The following PLCB1 variants were observed in gnomAD, a reference collection of about 807,000 sequenced individuals.
PLCB1 encodes phospholipase C beta 1, also known as 1-phosphatidylinositol 4,5-bisphosphate phosphodiesterase beta-1.
A neutral mutation model predicts 161.8 loss-of-function variants in PLCB1; 46 were observed. That is an observed-to-expected ratio of 0.28 (90% confidence interval 0.22 to 0.36). The LOEUF (loss-of-function observed/expected upper bound fraction) is 0.36. Among genes scored for constraint, PLCB1 ranks in the 10% least tolerant of loss-of-function variants. The pLI is 1.00. For missense variants in PLCB1, 1,016 were observed against 1,472.5 expected (o/e 0.69, Z 5.07); for synonymous variants, 517 against 503.7 (o/e 1.03, Z -0.35).
chr20:8,160,763 A>G (rs1252479975), intron 2 of PLCB1, among the ~76,000 whole-genome samples: 1 of 152,202 alleles, frequency 6.6e-6, no homozygotes, highest in Non-Finnish European at 1.5e-5. Flanking sequence ...AATCAGCAAG[A>G]CAAGTCTCTT....
intron 31 of PLCB1, among the ~76,000 whole-genome samples, chr20:8,876,212 T>G (rs1987775270): frequency 6.6e-6 from 1 of 152,228 alleles, no homozygotes; most frequent in Non-Finnish European, 1.5e-5. Context: ...AACACTCTTC[T>G]TTATTAATAT....
At chr20:8,357,571 T>G (rs4347921) in intron 2 of PLCB1, among the ~76,000 whole-genome samples, 1 of 152,056 alleles carries the variant, frequency 6.6e-6, no homozygotes, top group Non-Finnish European at 1.5e-5. Context: ...ATCCCAGCAC[T>G]CTGGGGGGGC....
At chr20:8,698,388 A>G (rs537742738) in intron 11 of PLCB1, among the ~76,000 whole-genome samples, 1 of 152,096 alleles carries the variant, frequency 6.6e-6, no homozygotes, top group South Asian at 2.1e-4. Flanking sequence ...ACATTATTTT[A>G]TGACTTGCTT....
intron 2 of PLCB1, among the ~76,000 whole-genome samples, chr20:8,196,008 G>A (rs997314622): frequency 2.4e-4 from 36 of 152,060 alleles, no homozygotes; most frequent in African/African-American, 7.7e-4. Flanking sequence ...TGGCAGGAGC[G>A]AGAATGAGAG....
At chr20:8,196,889 A>G (rs1388912014) in intron 2 of PLCB1, among the ~76,000 whole-genome samples, 3 of 151,706 alleles carry the variant, frequency 2.0e-5, no homozygotes, top group Non-Finnish European at 2.9e-5. Context: ...TCATTGTTCA[A>G]TTCCCACCTG....
intron 2 of PLCB1, among the ~76,000 whole-genome samples, chr20:8,187,516 GT>G (rs1354732766): frequency 3.3e-5 from 5 of 152,132 alleles, no homozygotes; most frequent in African/African-American, 1.2e-4. Flanking sequence ...TTAAGATGGA[GT>G]TTGCCACTAT....
intron 2 of PLCB1, among the ~76,000 whole-genome samples, chr20:8,315,192 TTCG>T (rs1454038510): frequency 1.3e-5 from 2 of 152,156 alleles, no homozygotes; most frequent in Non-Finnish European, 2.9e-5. Flanking sequence ...AGCTGGCTCC[TTCG>T]TCATGGAGCT....
At chr20:8,475,904 C>G (rs930346458) in intron 3 of PLCB1, among the ~76,000 whole-genome samples, 2 of 152,146 alleles carry the variant, frequency 1.3e-5, no homozygotes, top group Non-Finnish European at 2.9e-5. Context: ...CTCTACAACT[C>G]TACAAAGACA....
At chr20:8,793,386 G>A (rs1043502278) in intron 31 of PLCB1, among the ~76,000 whole-genome samples, 1 of 152,150 alleles carries the variant, frequency 6.6e-6, no homozygotes, top group Non-Finnish European at 1.5e-5. Context: ...CTAATTTACA[G>A]ATGGTATCGG....
Position 8,708,692 on chromosome 20 carries a change from A to C in PLCB1, c.1190A>C (p.Glu397Ala), listed in dbSNP as rs780031971. The C allele has an allele frequency of 6.2e-7, 1 of 1,612,916 alleles. No individual in the cohort carries two copies. The highest frequency in any genetic ancestry group is 8.5e-7 in the Non-Finnish European group (1 of 1,179,018). Residue 397 changes from glutamate (E) to alanine (A), a missense_variant, in exon 12 of 32, where the codon GAG becomes GCG. Around this residue, in one of 10 missense-constraint regions of PLCB1, gnomAD observed 56 missense variants for 126.3 expected, o/e 0.44. Coordinates refer to ENST00000338037, the MANE Select transcript of PLCB1 (RefSeq NM_015192.4). ...SFKEVIEAIA[E>A]CAFKTSPFPI... ...TAGGAAGTGATAGAAGCAATTGCGGAGTGTGCATTTAAGACTTCACCTTTT... is the reference window on the plus strand; with the variant it reads ...TAGGAAGTGATAGAAGCAATTGCGGCGTGTGCATTTAAGACTTCACCTTTT...
chr20:8,484,979 T>C (rs1043750953), intron 3 of PLCB1, among the ~76,000 whole-genome samples: 4 of 152,214 alleles, frequency 2.6e-5, no homozygotes, highest in African/African-American at 9.7e-5. Context: ...TGAAGCTTTC[T>C]AGAACTCAAA....
chr20:8,378,929 G>C (rs1306421648), intron 3 of PLCB1, among the ~76,000 whole-genome samples: 1 of 151,986 alleles, frequency 6.6e-6, no homozygotes, highest in Non-Finnish European at 1.5e-5. Context: ...GTAACCCCTT[G>C]TCTGTTCAAG....
intron 2 of PLCB1, among the ~76,000 whole-genome samples, chr20:8,221,731 A>T (rs1239617536): frequency 6.6e-6 from 1 of 152,206 alleles, no homozygotes; most frequent in Non-Finnish European, 1.5e-5. Flanking sequence ...CAAAATATGT[A>T]TTATATAAGA....
chr20:8,213,599 T>A (rs1006638675), intron 2 of PLCB1, among the ~76,000 whole-genome samples: 2 of 152,084 alleles, frequency 1.3e-5, no homozygotes, highest in Admixed American at 1.3e-4. Flanking sequence ...AAGCTTGCTC[T>A]GTTGTGCATT....
intron 2 of PLCB1, among the ~76,000 whole-genome samples, chr20:8,168,816 A>T (rs1424448179): frequency 1.3e-5 from 2 of 151,920 alleles, no homozygotes; most frequent in Non-Finnish European, 2.9e-5. Flanking sequence ...ATCTGTAAAA[A>T]CACTGGGAAA....
chr20:8,583,179 G>A (rs1986887911), intron 3 of PLCB1, among the ~76,000 whole-genome samples: 1 of 152,134 alleles, frequency 6.6e-6, no homozygotes, highest in Admixed American at 6.5e-5. Context: ...GTAGGATGGT[G>A]GTTGCCAGGG....
chr20:8,667,428 G>A (rs1388942644), intron 9 of PLCB1, among the ~76,000 whole-genome samples: 10 of 152,264 alleles, frequency 6.6e-5, no homozygotes, highest in African/African-American at 1.4e-4. Context: ...TTTCAAGATC[G>A]TCATTGTGGA....
chr20:8,365,340 G>C (rs557821818), intron 2 of PLCB1, among the ~76,000 whole-genome samples: 1 of 152,192 alleles, frequency 6.6e-6, no homozygotes, highest in Non-Finnish European at 1.5e-5. Context: ...AAGAAAGCCA[G>C]ATGTGTCATC....
intron 8 of PLCB1, among the ~76,000 whole-genome samples, chr20:8,657,656 G>A (rs571956437): frequency 2.0e-5 from 3 of 152,112 alleles, no homozygotes; most frequent in African/African-American, 7.2e-5. Flanking sequence ...CCACATTAGC[G>A]ACATGAGAAG....
Sources: allele counts gnomAD v4.1 joint callset (sites outside exome capture counted in the v4.1 genomes callset), GRCh38; gene constraint gnomAD v4.1.1; regional missense constraint gnomAD v4.1.1; transcripts MANE v1.5; gene names NCBI Gene and HGNC (gene_info 2026-07-23, HGNC 2026-07-21).